The following ABI3BP variants were observed in gnomAD, a reference collection of about 807,000 sequenced individuals.
ABI3BP encodes the protein target of Nesh-SH3.
A neutral mutation model predicts 268.6 loss-of-function variants in ABI3BP; 216 were observed. That is an observed-to-expected ratio of 0.80 (90% CI 0.72 to 0.90). ABI3BP has a LOEUF of 0.90. Among genes scored for constraint, ABI3BP ranks in the 40% least tolerant of loss-of-function variants. The pLI is 0.00. For missense variants in ABI3BP, 2,090 were observed against 2,182.4 expected (o/e 0.96, Z 0.84); for synonymous variants, 730 against 730.0 (o/e 1.00, Z 0.00).
At chr3:100,799,527 C>T (rs2097457898) in intron 51 of ABI3BP, among the ~76,000 whole-genome samples, 1 of 152,138 alleles carries the variant, frequency 6.6e-6, no homozygotes, top group African/African-American at 2.4e-5. Flanking sequence ...CCAAAGGTTT[C>T]AGAGAGTGGG....
At chr3:100,900,568 C>A (rs1293707637) in intron 3 of ABI3BP, among the ~76,000 whole-genome samples, 1 of 152,052 alleles carries the variant, frequency 6.6e-6, no homozygotes, top group Non-Finnish European at 1.5e-5. Flanking sequence ...ATGTAAGGAA[C>A]CTAAGGCTTG....
intron 1 of ABI3BP, among the ~76,000 whole-genome samples, chr3:100,959,686 G>A (rs1324777964): frequency 6.6e-6 from 1 of 151,862 alleles, no homozygotes; most frequent in African/African-American, 2.4e-5. Context: ...GCTGAGGGTA[G>A]GATAGAACAG....
At chr3:100,832,411 T>C in intron 30 of ABI3BP, 61 bp from the exon 31 acceptor site, 1 of 1,422,390 alleles carries the variant, frequency 7.0e-7, no homozygotes, top group Non-Finnish European at 9.6e-7. Context: ...GTGAATAGGA[T>C]GACATAGCTC....
Position 100,751,438 on chromosome 3 carries a change from T to C in ABI3BP, c.5245+114A>G, listed in dbSNP as rs1317918884. On this transcript the variant is annotated intron_variant, in intron 67 of 67. Transcript: ENST00000471714. ...TGAAGTCTTCATTTTTTCCTAGATA[T>C]GTGGAGCAGTAGTACTATAGAATTC... 1.2e-5 allele frequency: 13 copies of C among 1,105,894 alleles called. No homozygotes were observed. The African/African-American group carries it at 1.5e-4, about 12-fold the overall frequency. The allele number at this position is 1,105,894 out of a possible 1,614,324, so 68.5% of individuals were successfully genotyped here.
At chr3:100,864,792 A>T (rs776904349) in intron 11 of ABI3BP, 41 bp downstream of exon 11, 1 of 1,440,974 alleles carries the variant, frequency 6.9e-7, no homozygotes, top group Non-Finnish European at 9.5e-7. Context: ...TTTCGTTGTT[A>T]CTTTTGTTTT....
At chr3:100,951,446 T>C (rs1478222168) in intron 1 of ABI3BP, among the ~76,000 whole-genome samples, 1 of 152,024 alleles carries the variant, frequency 6.6e-6, no homozygotes, top group African/African-American at 2.4e-5. Context: ...GCTACAATCA[T>C]AACTTAGCTG....
In ABI3BP at chr3:100,965,560, A is replaced by G. The variant is rs138335796; in HGVS notation, c.79+27746T>C. Among the ~76,000 whole-genome samples, 679 of 152,244 alleles carry G rather than the reference A, an allele frequency of 4.5e-3. 4 individuals are homozygous for G. Among genetic ancestry groups the G allele is most frequent in the African/African-American group, 0.015 (631 of 41,546 alleles). ...ATTAACCATCAGAAGGGGTTTTAGT[A>G]AGGAAAGGACTGAGTTTATACATCA... On this transcript the variant is annotated intron_variant, in intron 1 of 67. Transcript: ENST00000471714.
chr3:100,935,613 C>T lies in ABI3BP; in HGVS notation c.80-9132G>A, dbSNP rs540469102. On this transcript the variant is annotated intron_variant, in intron 1 of 67. Coordinates refer to ENST00000471714, the MANE Select transcript of ABI3BP (RefSeq NM_001375547.2). ...TATTGATTCTTCCTATCCATGAGCA[C>T]GGAATGTTTTTCCATTTGTTTGTGT... is the stretch of plus-strand genomic sequence containing the variant. Among the ~76,000 whole-genome samples the T allele has an allele frequency of 4.9e-4, 74 of 151,136 alleles. 1 individual carries two copies. The highest frequency in any genetic ancestry group is 4.6e-3 in the South Asian group (22 of 4,810).
At chr3:100,785,727 T>G (rs2150487196) in intron 57 of ABI3BP, among the ~76,000 whole-genome samples, 1 of 152,338 alleles carries the variant, frequency 6.6e-6, no homozygotes, top group East Asian at 1.9e-4. Context: ...GTCTATTGCC[T>G]TAACCACTCG....
intron 10 of ABI3BP, 113 bp from the exon 11 acceptor site, chr3:100,865,020 T>G: frequency 1.2e-6 from 1 of 806,234 alleles, no homozygotes. Context: ...TATAGCCCAT[T>G]TCTTTTTGTG....
At position 100,898,644 on chromosome 3, in the gene ABI3BP, C is replaced by T. The variant is rs1376531032; in HGVS notation, c.461+118G>A. ...GGGCAGGGCCCCTGACTTTGTTCCCCTCACACCTAGAACAGGCTGTACAGC... is the reference window on the plus strand; with the variant it reads ...GGGCAGGGCCCCTGACTTTGTTCCCTTCACACCTAGAACAGGCTGTACAGC... On this transcript the variant is annotated intron_variant, in intron 4 of 67. Transcript: ENST00000471714. 5.0e-6 allele frequency: 6 copies of T among 1,192,654 alleles called. No individual in the cohort carries two copies. The African/African-American group carries it at 8.0e-5, about 16-fold the overall frequency. 73.9% of individuals were successfully genotyped at this position (1,192,654 alleles called of 1,614,324 possible).
chr3:100,827,972 T>A (rs886783498), intron 34 of ABI3BP, among the ~76,000 whole-genome samples: 2 of 151,666 alleles, frequency 1.3e-5, no homozygotes, highest in African/African-American at 4.8e-5. Context: ...AACAGGCAGA[T>A]TAAAAAGGTA....
chr3:100,904,949 G>T (rs1211856131), intron 2 of ABI3BP, among the ~76,000 whole-genome samples: 1 of 152,192 alleles, frequency 6.6e-6, no homozygotes, highest in African/African-American at 2.4e-5. Context: ...CTGCTATAAA[G>T]ACACATGCAC....
At chr3:100,963,388 AT>A (rs1412187704) in intron 1 of ABI3BP, among the ~76,000 whole-genome samples, 1 of 152,156 alleles carries the variant, frequency 6.6e-6, no homozygotes, top group Non-Finnish European at 1.5e-5. Context: ...TCAAATCTGT[AT>A]ATTTTCACTT....
intron 14 of ABI3BP, among the ~76,000 whole-genome samples, chr3:100,854,660 A>G (rs1157475031): frequency 2.0e-5 from 3 of 152,234 alleles, no homozygotes; most frequent in Non-Finnish European, 4.4e-5. Context: ...GTGAAATGCT[A>G]CAGCTATAAG....
chr3:100,904,731 C>G lies in ABI3BP; in HGVS notation c.260-2045G>C, dbSNP rs190288377. The stretch of plus-strand genomic sequence containing the variant: ...ATGAGATACCATCTCACACCAGTTA[C>G]AATGGCAATCATTAAAAAGTCAGGA... On this transcript the variant is annotated intron_variant, in intron 2 of 67. Transcript: ENST00000471714. Among the ~76,000 whole-genome samples, 550 of 152,212 alleles carry G rather than the reference C, an allele frequency of 3.6e-3. 1 individual carries two copies. Among genetic ancestry groups the G allele is most frequent in the Non-Finnish European group, 5.9e-3 (398 of 68,004 alleles).
chr3:100,907,230 C>T (rs1047979231), intron 2 of ABI3BP, among the ~76,000 whole-genome samples: 5 of 152,190 alleles, frequency 3.3e-5, no homozygotes, highest in South Asian at 2.1e-4. Flanking sequence ...CATGGTGGCT[C>T]AGCCTGTAAT....
At chr3:100,798,829 TA>T (rs2097434842) in intron 51 of ABI3BP, among the ~76,000 whole-genome samples, 1 of 152,164 alleles carries the variant, frequency 6.6e-6, no homozygotes, top group South Asian at 2.1e-4. Context: ...CTGATTCTCT[TA>T]AAAAAGTAAG....
chr3:100,961,672 A>G (rs2153819556), intron 1 of ABI3BP, among the ~76,000 whole-genome samples: 1 of 152,352 alleles, frequency 6.6e-6, no homozygotes, highest in African/African-American at 2.4e-5. Flanking sequence ...CTTTCTATTA[A>G]GACATTCCTA....
Sources: allele counts gnomAD v4.1 joint callset (sites outside exome capture counted in the v4.1 genomes callset), GRCh38; gene constraint gnomAD v4.1.1; transcripts MANE v1.5; gene names NCBI Gene and HGNC (gene_info 2026-07-23, HGNC 2026-07-21).